FBXL19: variants seen among roughly 807,000 people sequenced by gnomAD.
FBXL19 encodes F-box and leucine rich repeat protein 19, also known as F-box/LRR-repeat protein 19.
In FBXL19, 16 loss-of-function variants were observed where a neutral mutation model predicts 71.2. The ratio of observed to expected loss-of-function variants is 0.22; its 90% CI spans 0.15 to 0.34. The LOEUF (loss-of-function observed/expected upper bound fraction) is 0.34. Ranked by LOEUF, FBXL19 falls within the 10% of genes least tolerant of loss-of-function variation. The probability of loss-of-function intolerance (pLI) is 1.00; values close to 1 mark genes in which losing one functional copy is unlikely to be tolerated. For missense variants in FBXL19, 658 were observed against 968.2 expected (o/e 0.68, Z 4.25); for synonymous variants, 447 against 409.4 (o/e 1.09, Z -1.11).
At position 30,927,760 on chromosome 16, in the gene FBXL19, C is replaced by A; in HGVS notation, c.424C>A (p.Pro142Thr). 1.3e-6 allele frequency: 2 copies of A among 1,556,666 alleles called. No individual in the cohort carries two copies. Among genetic ancestry groups the A allele is most frequent in the Non-Finnish European group, 1.7e-6 (2 of 1,150,782 alleles). ...TCCCGCCTAGGATTCAGGTGAGGGG[C>A]CTGGCCGCCGTAGGGCCGACAACGG... Reference protein sequence around the residue: ...GRTSKDSGEGPGRRRADNGEE... With the variant: ...GRTSKDSGEGTGRRRADNGEE... The change falls in exon 5 of 11, where the codon CCT becomes ACT. Residue 142 changes from proline to threonine, a missense_variant. Physicochemically the swap from Pro to Thr is conservative, Grantham distance 38 (BLOSUM62 -1). Coordinates refer to ENST00000338343, the MANE Select transcript of FBXL19 (RefSeq NM_001382779.1).
At chr16:30,927,700 TG>T in intron 4 of FBXL19, 41 bp downstream of exon 4, 1 of 1,557,138 alleles carries the variant, frequency 6.4e-7, no homozygotes, top group Non-Finnish European at 8.7e-7. Flanking sequence ...AGGTGGGTGT[TG>T]GGGAGCTGTG....
At chr16:30,933,203 A>G (rs1473451061) in intron 7 of FBXL19, among the ~76,000 whole-genome samples, 1 of 151,994 alleles carries the variant, frequency 6.6e-6, no homozygotes, top group Non-Finnish European at 1.5e-5. Context: ...GGGTTTCACC[A>G]TGTTGGTCAG....
chr16:30,923,283 C>T, upstream of FBXL19: 1 of 443,488 alleles, frequency 2.3e-6, no homozygotes, highest in Non-Finnish European at 4.6e-6. Context: ...CAACTGGGAG[C>T]CTCGGGGCAA....
rs1395437229 is a variant in FBXL19, at chr16:30,927,916, C to G, written c.580C>G (p.Arg194Gly). ...GGAGGACGTGCCTGGGCCCCCCAAA[C>G]GAAAGGAAAGGGAGGCAGGGAATGA... ...PPEDVPGPPKRKEREAGNEPP... is the reference protein window; with the variant it reads ...PPEDVPGPPKGKEREAGNEPP... Residue 194 changes from arginine to glycine, a missense_variant, in exon 5 of 11, where the codon CGA becomes GGA. This residue lies in a region of FBXL19 where 447 missense variants were observed against 515.4 expected (regional missense o/e 0.87). Coordinates refer to ENST00000338343, the MANE Select transcript of FBXL19 (RefSeq NM_001382779.1). 1 of 1,544,872 alleles carries G rather than the reference C, an allele frequency of 6.5e-7. No homozygotes were observed.
intron 9 of FBXL19, among the ~76,000 whole-genome samples, chr16:30,943,407 C>CAA (rs1473150436): frequency 8.9e-6 from 1 of 112,012 alleles, no homozygotes; most frequent in Non-Finnish European, 1.7e-5. Context: ...TGAAGTCTTG[C>CAA]TCTGTCGCCC....
Position 30,946,961 on chromosome 16 carries a change from C to G in FBXL19, c.1846+13C>G, listed in dbSNP as rs745623349. ...CTCAATCTTGCTGGTAAGCACGGTC[C>G]CCCATCCGTCCTGCCAGCCTGTGGA... On this transcript the variant is annotated intron_variant, in intron 10 of 10. Transcript: ENST00000338343. This position sits in a 1 kb window ranked among gnomAD's most constrained non-coding sequence, Gnocchi z 6.7. 1.9e-6 allele frequency: 3 copies of G among 1,596,350 alleles called. No individual in the cohort carries two copies. The South Asian group carries it at 3.4e-5, about 18-fold the overall frequency.
intron 7 of FBXL19, among the ~76,000 whole-genome samples, chr16:30,934,000 G>A (rs554503773): frequency 1.3e-5 from 2 of 149,640 alleles, no homozygotes; most frequent in Admixed American, 6.7e-5. Context: ...TGATCCACCC[G>A]CCTCGGCCTC....
At chr16:30,936,644 C>T (rs1385356437) in intron 7 of FBXL19, among the ~76,000 whole-genome samples, 3 of 113,154 alleles carry the variant, frequency 2.7e-5, no homozygotes, top group African/African-American at 3.6e-5. Flanking sequence ...GACGGGGTTT[C>T]ACCATGTTAG....
chr16:30,943,564 C>T (rs952655197), intron 9 of FBXL19, among the ~76,000 whole-genome samples: 4 of 151,778 alleles, frequency 2.6e-5, no homozygotes, highest in East Asian at 1.9e-4. Flanking sequence ...TTAGTAGAGA[C>T]GGGGTTTCAC....
At chr16:30,941,081 C>T (rs933625085) in intron 7 of FBXL19, among the ~76,000 whole-genome samples, 1 of 152,170 alleles carries the variant, frequency 6.6e-6, no homozygotes, top group African/African-American at 2.4e-5. Flanking sequence ...GGACCTATAA[C>T]GCTTTCTATA....
chr16:30,947,533 G>A lies in FBXL19; in HGVS notation c.*303G>A. 1 of 401,114 alleles carries A rather than the reference G, an allele frequency of 2.5e-6. No individual in the cohort carries two copies. The highest frequency in any genetic ancestry group is 2.5e-5 in the South Asian group (1 of 39,322). The allele number at this position is 401,114 out of a possible 1,614,324, so 24.8% of individuals were successfully genotyped here. On this transcript the variant is annotated 3_prime_UTR_variant, in exon 11 of 11. Coordinates refer to ENST00000338343, the MANE Select transcript of FBXL19 (RefSeq NM_001382779.1). The stretch of plus-strand genomic sequence containing the variant: ...GAAGGGACGGTGGGAGGGGGGTTAT[G>A]GTGCAAGTGTTGGGGGGGAGAATGG...
chr16:30,941,127 G>C (rs572880640), intron 7 of FBXL19, among the ~76,000 whole-genome samples: 18 of 152,322 alleles, frequency 1.2e-4, no homozygotes, highest in African/African-American at 4.1e-4. Flanking sequence ...TAGATGAGGA[G>C]GTGGGGGAGA....
chr16:30,934,278 G>T (rs560027859), intron 7 of FBXL19, among the ~76,000 whole-genome samples: 1 of 151,802 alleles, frequency 6.6e-6, no homozygotes. Context: ...CAGGAGAATC[G>T]CTTGAACCTG....
Position 30,925,649 on chromosome 16 carries a change from C to T in FBXL19, c.-24-82C>T. 2 of 1,357,366 alleles carry T rather than the reference C, an allele frequency of 1.5e-6. No homozygotes were observed. Among genetic ancestry groups the T allele is most frequent in the Non-Finnish European group, 1.9e-6 (2 of 1,056,228 alleles). The allele number at this position is 1,357,366 out of a possible 1,614,324, so 84.1% of individuals were successfully genotyped here. A position where few individuals can be genotyped will look rare whatever the true frequency, so the allele number is the denominator to read the frequency against. On this transcript the variant is annotated intron_variant, in intron 1 of 10. Coordinates refer to ENST00000338343, the MANE Select transcript of FBXL19 (RefSeq NM_001382779.1). This position sits in a 1 kb window ranked among gnomAD's most constrained non-coding sequence, Gnocchi z 5.0. ...GAGGAAGAGGGCAGGCTCTAGCTGC[C>T]TGTAGGTGGAGGGACCTGTCAGGGG...
chr16:30,932,857 T>A (rs1034827632), intron 7 of FBXL19, among the ~76,000 whole-genome samples: 3 of 149,758 alleles, frequency 2.0e-5, no homozygotes, highest in African/African-American at 7.4e-5. Flanking sequence ...TTTTTTTTTT[T>A]TTTGACAGAG....
Position 30,947,040 on chromosome 16 carries a change from C to T in FBXL19, c.1847-12C>T. 6.3e-7 allele frequency: 1 copy of T among 1,586,930 alleles called. No homozygotes were observed. The highest frequency in any genetic ancestry group is 1.1e-5 in the South Asian group (1 of 88,252). ...CACCTGCCTGGTCTCAGCTCCACTG[C>T]CCCATCCCCAGGTTGCCACCGCCTA... On this transcript the variant is annotated splice_polypyrimidine_tract_variant and intron_variant, in intron 10 of 10. Coordinates refer to ENST00000338343, the MANE Select transcript of FBXL19 (RefSeq NM_001382779.1).
chr16:30,932,429 G>A (rs2055685608), intron 7 of FBXL19, among the ~76,000 whole-genome samples: 1 of 152,166 alleles, frequency 6.6e-6, no homozygotes, highest in South Asian at 2.1e-4. Context: ...GCATGTGGGA[G>A]CCAGAACTGA....
intron 6 of FBXL19, among the ~76,000 whole-genome samples, chr16:30,929,374 C>A (rs186119639): frequency 6.6e-5 from 10 of 152,228 alleles, no homozygotes; most frequent in Admixed American, 2.0e-4. Context: ...ATCACTGTTA[C>A]CCTCAGTTGA....
intron 7 of FBXL19, among the ~76,000 whole-genome samples, chr16:30,932,124 C>T (rs550592148): frequency 3.3e-5 from 5 of 152,262 alleles, no homozygotes; most frequent in South Asian, 2.1e-4. Flanking sequence ...AGATAATCAA[C>T]GCTCTTGCAT....
Sources: allele counts gnomAD v4.1 joint callset (sites outside exome capture counted in the v4.1 genomes callset), GRCh38; gene constraint gnomAD v4.1.1; regional missense constraint gnomAD v4.1.1; non-coding constraint Gnocchi (gnomAD v3.1); transcripts MANE v1.5; gene names NCBI Gene and HGNC (gene_info 2026-07-23, HGNC 2026-07-21).